STPG2: variants seen among roughly 807,000 people sequenced by gnomAD.
STPG2 encodes the protein sperm-tail PG-rich repeat-containing protein 2.
A neutral mutation model predicts 54.2 loss-of-function variants in STPG2; 56 were observed. The observed-to-expected ratio is 1.03, with a 90% CI of 0.83 to 1.29. The LOEUF is 1.29. Ranked by LOEUF, STPG2 falls within the 50% of genes most tolerant of loss-of-function variation. STPG2 has a pLI of 0.00. For missense variants in STPG2, 596 were observed against 544.9 expected, an observed-to-expected ratio of 1.09 and a Z score of -0.93; for synonymous variants, 200 against 181.8, an observed-to-expected ratio of 1.10 and a Z score of -0.81.
At chr4:97,915,427 C>T (rs751091632) in intron 8 of STPG2, among the ~76,000 whole-genome samples, 1 of 152,082 alleles carries the variant, frequency 6.6e-6, no homozygotes, top group Admixed American at 6.5e-5. Flanking sequence ...TAACCACCTC[C>T]AAAGCTGGGA....
intron 9 of STPG2, among the ~76,000 whole-genome samples, chr4:97,799,905 C>T (rs867180800): frequency 6.6e-6 from 1 of 152,076 alleles, no homozygotes; most frequent in Non-Finnish European, 1.5e-5. Context: ...TTTCTCTAAA[C>T]TTCTCTTCTC....
At chr4:97,736,961 C>CA (rs1300595297) in intron 9 of STPG2, among the ~76,000 whole-genome samples, 6 of 152,194 alleles carry the variant, frequency 3.9e-5, no homozygotes, top group African/African-American at 1.4e-4. Context: ...AGGCACCCCC[C>CA]AGTAGGGGCA....
intron 10 of STPG2, among the ~76,000 whole-genome samples, chr4:97,643,937 T>A (rs1330784220): frequency 6.6e-6 from 1 of 151,800 alleles, no homozygotes; most frequent in Non-Finnish European, 1.5e-5. Context: ...TTATAGTAAA[T>A]TTACCTCAAA....
chr4:97,742,168 A>G (rs1725264480), intron 9 of STPG2, among the ~76,000 whole-genome samples: 1 of 151,924 alleles, frequency 6.6e-6, no homozygotes, highest in Non-Finnish European at 1.5e-5. Flanking sequence ...GAACAATGAG[A>G]ACACATGGAC....
chr4:97,661,092 T>C (rs1435896461), intron 10 of STPG2, among the ~76,000 whole-genome samples: 1 of 152,034 alleles, frequency 6.6e-6, no homozygotes, highest in African/African-American at 2.4e-5. Flanking sequence ...CAACTAATAG[T>C]AAATGATGAA....
chr4:97,497,841 C>A (rs913274287), intron 4 of STPG2, among the ~76,000 whole-genome samples: 1 of 151,856 alleles, frequency 6.6e-6, no homozygotes, highest in Non-Finnish European at 1.5e-5. Context: ...TCTACATACA[C>A]ATTCTTCTGA....
At chr4:98,036,860 GAATA>G (rs1334460701) in intron 5 of STPG2, among the ~76,000 whole-genome samples, 1 of 151,864 alleles carries the variant, frequency 6.6e-6, no homozygotes, top group African/African-American at 2.4e-5. Context: ...ATTATTTTAA[GAATA>G]AAAAATCAAC....
At chr4:97,585,951 G>A (rs528065852) in intron 10 of STPG2, among the ~76,000 whole-genome samples, 12 of 151,592 alleles carry the variant, frequency 7.9e-5, no homozygotes, top group Admixed American at 4.0e-4. Flanking sequence ...ATTAAAAATC[G>A]CCCATCATAC....
At chr4:97,687,001 C>T (rs1173843775) in intron 10 of STPG2, among the ~76,000 whole-genome samples, 3 of 150,090 alleles carry the variant, frequency 2.0e-5, no homozygotes, top group South Asian at 2.1e-4. Context: ...AGTGCAGTGG[C>T]GCGATCTGGG....
chr4:97,620,470 G>GC (rs1733982444), intron 10 of STPG2, among the ~76,000 whole-genome samples: 1 of 152,170 alleles, frequency 6.6e-6, no homozygotes, highest in East Asian at 1.9e-4. Flanking sequence ...CTTGAAGAAT[G>GC]TTTTTTTCAA....
chr4:97,540,114 A>C (rs1425083074), intron 4 of STPG2, among the ~76,000 whole-genome samples: 2 of 152,214 alleles, frequency 1.3e-5, no homozygotes, highest in African/African-American at 4.8e-5. Context: ...GAAGGCAAGA[A>C]ATAACTAAGA....
intron 10 of STPG2, among the ~76,000 whole-genome samples, chr4:97,684,985 T>C (rs1287648882): frequency 1.3e-5 from 2 of 152,010 alleles, no homozygotes; most frequent in Non-Finnish European, 2.9e-5. Flanking sequence ...CAAAATTATA[T>C]GCCATCAGGG....
intron 8 of STPG2, among the ~76,000 whole-genome samples, chr4:97,901,907 A>C (rs1241270398): frequency 6.6e-6 from 1 of 152,058 alleles, no homozygotes; most frequent in Non-Finnish European, 1.5e-5. Flanking sequence ...CTTATTTCAA[A>C]TATATTATAA....
At chr4:97,710,126 T>TA (rs397994645) in intron 10 of STPG2, among the ~76,000 whole-genome samples, 1 of 151,754 alleles carries the variant, frequency 6.6e-6, no homozygotes, top group Non-Finnish European at 1.5e-5. Context: ...GCACATTTTT[T>TA]ATGAGTATAC....
At chr4:97,623,930 C>T (rs2148926671) in intron 10 of STPG2, among the ~76,000 whole-genome samples, 1 of 152,228 alleles carries the variant, frequency 6.6e-6, no homozygotes, top group Admixed American at 6.5e-5. Flanking sequence ...AGGATAATGG[C>T]TTCCGGCTCC....
intron 5 of STPG2, among the ~76,000 whole-genome samples, chr4:98,015,851 T>G (rs1560636568): frequency 6.6e-6 from 1 of 152,048 alleles, no homozygotes; most frequent in Non-Finnish European, 1.5e-5. Context: ...ATGTGGCACA[T>G]ATACACCATG....
intron 7 of STPG2, among the ~76,000 whole-genome samples, chr4:97,966,409 G>A (rs1209999090): frequency 6.6e-6 from 1 of 152,214 alleles, no homozygotes; most frequent in East Asian, 1.9e-4. Context: ...TGTTGTACCA[G>A]AAAGTGATGA....
At chr4:97,997,180 A>G (rs1209391873) in intron 5 of STPG2, among the ~76,000 whole-genome samples, 1 of 152,240 alleles carries the variant, frequency 6.6e-6, no homozygotes, top group African/African-American at 2.4e-5. Flanking sequence ...AAAGGCATGG[A>G]ATCAATCTGA....
intron 5 of STPG2, among the ~76,000 whole-genome samples, chr4:98,101,746 G>T (rs1223357797): frequency 1.3e-5 from 2 of 152,052 alleles, no homozygotes; most frequent in African/African-American, 4.8e-5. Context: ...AAGATTTGTG[G>T]CCACTAGAAA....
Sources: gnomAD v4.1 joint callset for allele counts (sites outside exome capture counted in the v4.1 genomes callset) on GRCh38, gnomAD v4.1.1 for gene constraint, MANE v1.5 for transcripts, NCBI Gene and HGNC (gene_info 2026-07-23, HGNC 2026-07-21) for gene names.